Variants in MYO9B observed in about 807,000 individuals in gnomAD.
MYO9B encodes the protein unconventional myosin-IXb.
Under a neutral mutation model 229.5 loss-of-function variants are expected in MYO9B, and 71 were observed. The observed-to-expected ratio is 0.31, with a 90% CI of 0.26 to 0.38. The LOEUF is 0.38. MYO9B is among the 10% of genes least tolerant of loss of function. The pLI is 1.00. For missense variants in MYO9B, 2,255 were observed against 2,920.5 expected (o/e 0.77, Z 5.25); for synonymous variants, 1,185 against 1,235.8 (o/e 0.96, Z 0.86).
Position 17,163,328 on chromosome 19 carries a change from C to T in MYO9B, c.1671+206C>T, listed in dbSNP as rs141016961. On this transcript the variant is annotated intron_variant, in intron 10 of 39. Coordinates refer to ENST00000682292, the MANE Select transcript of MYO9B (RefSeq NM_004145.4). ...AGACTCTGTCCCCATGAAACACTCA[C>T]TCCCCATTCCCCCTCTTGCAAGCCC... Among the ~76,000 whole-genome samples the T allele has an allele frequency of 2.2e-3, 338 of 151,672 alleles. 1 individual carries two copies. Among genetic ancestry groups the T allele is most frequent in the African/African-American group, 7.8e-3 (324 of 41,290 alleles).
At chr19:17,159,167 C>CT (rs752074431) in intron 7 of MYO9B, among the ~76,000 whole-genome samples, 14 of 134,684 alleles carry the variant, frequency 1.0e-4, no homozygotes, top group Non-Finnish European at 1.5e-4. Flanking sequence ...GCACTCTAGC[C>CT]TGGGTGATAG....
At chr19:17,093,288 G>T (rs2057655859) in intron 1 of MYO9B, among the ~76,000 whole-genome samples, 1 of 151,690 alleles carries the variant, frequency 6.6e-6, no homozygotes, top group African/African-American at 2.4e-5. Flanking sequence ...CCAAGATCGT[G>T]CCACTGCACT....
chr19:17,168,446 G>C (rs761501633), intron 11 of MYO9B, among the ~76,000 whole-genome samples: 2 of 152,188 alleles, frequency 1.3e-5, no homozygotes, highest in Non-Finnish European at 2.9e-5. Flanking sequence ...GATTACAGGC[G>C]TGTGCCACCA....
intron 1 of MYO9B, among the ~76,000 whole-genome samples, chr19:17,100,563 C>T (rs753999619): frequency 6.6e-6 from 1 of 152,166 alleles, no homozygotes; most frequent in Admixed American, 6.5e-5. Context: ...ACTAGCTCTT[C>T]CATTCAAGCC....
intron 10 of MYO9B, among the ~76,000 whole-genome samples, chr19:17,167,506 G>A (rs1040345162): frequency 2.2e-5 from 3 of 133,504 alleles, no homozygotes; most frequent in Admixed American, 8.3e-5. Context: ...ACGGAGTTTC[G>A]CTCTTGTTGC....
intron 16 of MYO9B, chr19:17,184,119 CAGAG>C (rs948290992): frequency 9.6e-5 from 51 of 530,772 alleles, no homozygotes; most frequent in Non-Finnish European, 1.5e-4. Flanking sequence ...CGTGAGAAGG[CAGAG>C]AGAAGGGGTG....
chr19:17,203,125 G>C (rs1252334470), intron 29 of MYO9B, 22 bp from the exon 30 acceptor site: 18 of 1,547,936 alleles, frequency 1.2e-5, no homozygotes, highest in Non-Finnish European at 1.6e-5. Context: ...TCCCTGCCCA[G>C]CGCCTTCCTC....
chr19:17,183,993 G>C (rs2072889870), intron 16 of MYO9B, 125 bp downstream of exon 16: 2 of 857,690 alleles, frequency 2.3e-6, no homozygotes, highest in Non-Finnish European at 3.4e-6. Context: ...CTCCCTCCAA[G>C]AAAAAAAAAA....
In MYO9B at chr19:17,132,178, C is replaced by CTTTT. The variant is rs60927116; in HGVS notation, c.841-13197_841-13194dup. The stretch of plus-strand genomic sequence containing the variant: ...CCACTGTGCCTGGCTTATTTTATTT[C>CTTTT]TTTTTTTTTTTTTTTTTTTTTTTTT... On this transcript the variant is annotated intron_variant, in intron 2 of 39. Coordinates refer to ENST00000682292, the MANE Select transcript of MYO9B (RefSeq NM_004145.4). Among the ~76,000 whole-genome samples, 294 of 78,444 alleles carry CTTTT rather than the reference C, an allele frequency of 3.7e-3. 4 individuals carry two copies. The highest frequency in any genetic ancestry group is 0.015 in the Middle Eastern group (1 of 68). The allele number at this position is 78,444 out of a possible 152,430, so 51.5% of individuals were successfully genotyped here.
chr19:17,132,525 A>ATTTT (rs35184435), intron 2 of MYO9B, among the ~76,000 whole-genome samples: 37 of 116,356 alleles, frequency 3.2e-4, no homozygotes, highest in East Asian at 1.0e-3. Flanking sequence ...TATTATTATT[A>ATTTT]TTTTTTTTTT....
Position 17,172,504 on chromosome 19 carries a change from G to A in MYO9B, c.1935+27G>A, listed in dbSNP as rs755692130. On this transcript the variant is annotated intron_variant, in intron 12 of 39. Transcript: ENST00000682292. The surrounding 1 kb of genome is among the most constrained non-coding windows in gnomAD (Gnocchi z 8.2). Reference sequence around the variant, plus strand: ...TAGGTGTCTGCCCATCACCACTGGTGGAAGCCTGAGGGAAGCCACAGTCAG... The same window carrying A: ...TAGGTGTCTGCCCATCACCACTGGTAGAAGCCTGAGGGAAGCCACAGTCAG... The A allele has an allele frequency of 6.2e-6, 10 of 1,610,572 alleles. No individual in the cohort carries two copies. Among genetic ancestry groups the A allele is most frequent in the Non-Finnish European group, 8.5e-6 (10 of 1,178,456 alleles).
intron 35 of MYO9B, 22 bp downstream of exon 35, chr19:17,207,266 G>A (rs1311847309): frequency 6.3e-6 from 10 of 1,585,896 alleles, no homozygotes; most frequent in Non-Finnish European, 7.7e-6. Context: ...CCCTGCCCCG[G>A]AGGCATGCTC....
At chr19:17,205,720 C>T (rs571832250) in intron 31 of MYO9B, among the ~76,000 whole-genome samples, 2 of 152,132 alleles carry the variant, frequency 1.3e-5, no homozygotes, top group African/African-American at 4.8e-5. Context: ...TCTCTCCCCA[C>T]GAAGGACCAC....
At chr19:17,104,478 G>A (rs1341624772) in intron 2 of MYO9B, among the ~76,000 whole-genome samples, 2 of 152,200 alleles carry the variant, frequency 1.3e-5, no homozygotes, top group East Asian at 3.8e-4. Flanking sequence ...GTAGGACAAG[G>A]TGCATCCACA....
chr19:17,149,566 G>C (rs2072454440), intron 3 of MYO9B, among the ~76,000 whole-genome samples: 2 of 152,176 alleles, frequency 1.3e-5, no homozygotes, highest in South Asian at 4.1e-4. Flanking sequence ...CAGGGAGGGA[G>C]GTGCACTTCC....
In MYO9B at chr19:17,172,840, G is replaced by C. The variant is rs939544142; in HGVS notation, c.2017G>C (p.Glu673Gln). 12 of 1,611,364 alleles carry C rather than the reference G, an allele frequency of 7.4e-6. No individual in the cohort carries two copies. The highest frequency in any genetic ancestry group is 1.3e-5 in the African/African-American group (1 of 74,924). The change falls in exon 13 of 40, where the codon GAG becomes CAG. Residue 673 changes from glutamate (E) to glutamine (Q), a missense_variant. Transcript: ENST00000682292. This position sits in a 1 kb window ranked among gnomAD's most constrained non-coding sequence, Gnocchi z 8.2. ...GGGCAGTGACAGCTCCTACGTGCGG[G>C]AGCTCATCGGCATGGACCCCGTGGC... Reference protein sequence around the residue: ...LRGSDSSYVRELIGMDPVAVF... With the variant: ...LRGSDSSYVRQLIGMDPVAVF...
chr19:17,173,531 T>C (rs1367128971), intron 13 of MYO9B, among the ~76,000 whole-genome samples: 2 of 152,070 alleles, frequency 1.3e-5, no homozygotes, highest in Non-Finnish European at 2.9e-5. Context: ...CTCGAACTCC[T>C]GACCTCAAGT....
chr19:17,140,422 G>A (rs960966353), intron 2 of MYO9B, among the ~76,000 whole-genome samples: 4 of 151,906 alleles, frequency 2.6e-5, no homozygotes, highest in Non-Finnish European at 5.9e-5. Flanking sequence ...CATTCATGAG[G>A]GCCCCATGTA....
At chr19:17,105,073 A>G (rs910231333) in intron 2 of MYO9B, among the ~76,000 whole-genome samples, 2 of 152,064 alleles carry the variant, frequency 1.3e-5, no homozygotes, top group African/African-American at 4.8e-5. Flanking sequence ...GACCTTTGGC[A>G]GCCACAGCTC....
Sources: allele counts gnomAD v4.1 joint callset (sites outside exome capture counted in the v4.1 genomes callset), GRCh38; gene constraint gnomAD v4.1.1; non-coding constraint Gnocchi (gnomAD v3.1); transcripts MANE v1.5; gene names NCBI Gene and HGNC (gene_info 2026-07-23, HGNC 2026-07-21).